Variants in SSX1 observed in about 807,000 individuals in gnomAD.
SSX1 encodes protein SSX1.
In SSX1, 58 loss-of-function variants were observed where a neutral mutation model predicts 14.6. The observed-to-expected ratio is 3.96, with a 90% CI of 3.21 to 4.93. SSX1 has a LOEUF of 4.93. SSX1 is among the 30% of genes most tolerant of loss of function. SSX1 has a pLI of 0.00. For missense variants in SSX1, 272 were observed against 143.1 expected (o/e 1.90, Z -4.60); for synonymous variants, 46 against 52.1 (o/e 0.88, Z 0.50).
chrX:48,261,524 G>T (rs1230372592), intron 4 of SSX1, among the ~76,000 whole-genome samples: 1 of 112,411 alleles, frequency 8.9e-6, no homozygotes, highest in Non-Finnish European at 1.9e-5. Flanking sequence ...AATGGAATAA[G>T]ATGAGACTGT....
At chrX:48,265,117 A>G (rs2059618613) in intron 6 of SSX1, among the ~76,000 whole-genome samples, 2 of 111,948 alleles carry the variant, frequency 1.8e-5, no homozygotes, top group South Asian at 7.5e-4. Context: ...GATCACTCAA[A>G]CTTTCTCTAT....
Position 48,258,531 on chromosome X carries a change from T to C in SSX1, c.185-5T>C, listed in dbSNP as rs782345088. On this transcript the variant is annotated splice_region_variant and splice_polypyrimidine_tract_variant and intron_variant, in intron 3 of 7. Coordinates refer to ENST00000376919, the MANE Select transcript of SSX1 (RefSeq NM_005635.4). ...TTAAGGAATAAACATTTTGCTTCTT[T>C]CTAGGTTTCAAAGTCACCCTCCCAC... 5.9e-5 allele frequency: 71 copies of C among 1,198,031 alleles called. No individual in the cohort carries two copies. The highest frequency in any genetic ancestry group is 7.9e-5 in the Non-Finnish European group (70 of 885,944).
chrX:48,262,919 A>T (rs2059609842), intron 5 of SSX1, among the ~76,000 whole-genome samples: 1 of 110,311 alleles, frequency 9.1e-6, no homozygotes, highest in Non-Finnish European at 1.9e-5. Context: ...GCAGATTACG[A>T]GGTCAAGAGA....
At chrX:48,259,522 A>G (rs782510496) in intron 4 of SSX1, among the ~76,000 whole-genome samples, 21 of 110,770 alleles carry the variant, frequency 1.9e-4, no homozygotes, top group Middle Eastern at 4.7e-3. Context: ...ACATGTGTAT[A>G]CATGTGCCAT....
Position 48,257,861 on chromosome X carries a change from G to A in SSX1, c.184+1G>A, listed in dbSNP as rs782637859. 6.2e-6 allele frequency: 7 copies of A among 1,122,926 alleles called. No individual in the cohort carries two copies. The Admixed American group carries it at 7.1e-5, about 11-fold the overall frequency. The allele number at this position is 1,122,926 out of a possible 1,213,427, so 92.5% of individuals were successfully genotyped here. A position where few individuals can be genotyped will look rare whatever the true frequency, so the allele number is the denominator to read the frequency against. ...AACTATAAGGCCATGACTAAACTAG[G>A]TAACAGAAAGTTCTAGGAACAGACA... On this transcript the variant is annotated splice_donor_variant, in intron 3 of 7. Transcript: ENST00000376919. LOFTEE classifies it high-confidence loss of function.
intron 5 of SSX1, among the ~76,000 whole-genome samples, chrX:48,263,101 T>C (rs781798320): frequency 2.8e-5 from 3 of 108,887 alleles, no homozygotes; most frequent in African/African-American, 1.0e-4. Flanking sequence ...ACCACTGCAC[T>C]CTAGCCTGGT....
chrX:48,264,538 T>C (rs1198444936), intron 6 of SSX1, among the ~76,000 whole-genome samples: 6 of 112,636 alleles, frequency 5.3e-5, no homozygotes, highest in Admixed American at 9.4e-5. Flanking sequence ...TTCAGTGAGT[T>C]ACACTCTTCT....
At position 48,267,216 on chromosome X, in the gene SSX1, C is replaced by A; in HGVS notation, c.*367C>A. On this transcript the variant is annotated 3_prime_UTR_variant, in exon 8 of 8. Transcript: ENST00000376919. ...TCTCCCCAGATGTGACTACTGAGGGCAGTTCTGAGTGTTTAATTTCAGACT... is the reference window on the plus strand; with the variant it reads ...TCTCCCCAGATGTGACTACTGAGGGAAGTTCTGAGTGTTTAATTTCAGACT... The A allele has an allele frequency of 3.4e-6, 1 of 292,380 alleles. No individual in the cohort carries two copies. The highest frequency in any genetic ancestry group is 4.8e-5 in the South Asian group (1 of 20,682). 24.1% of individuals were successfully genotyped at this position (292,380 alleles called of 1,213,427 possible).
chrX:48,257,834 G>C lies in SSX1; in HGVS notation c.158G>C (p.Arg53Thr), dbSNP rs2059588590. ...AAAATCAGCTATGTGTATATGAAGA[G>C]AAACTATAAGGCCATGACTAAACTA... is the stretch of plus-strand genomic sequence containing the variant. ...SEKISYVYMK[R>T]NYKAMTKLGF... The change falls in exon 3 of 8, where the codon AGA becomes ACA. Residue 53 changes from arginine to threonine, a missense_variant. Coordinates refer to ENST00000376919, the MANE Select transcript of SSX1 (RefSeq NM_005635.4). 4 of 1,195,321 alleles carry C rather than the reference G, an allele frequency of 3.3e-6. No homozygotes were observed. Among genetic ancestry groups the C allele is most frequent in the South Asian group, 3.6e-5 (2 of 55,643 alleles).
At chrX:48,265,140 G>T (rs1601950199) in intron 6 of SSX1, among the ~76,000 whole-genome samples, 1 of 112,233 alleles carries the variant, frequency 8.9e-6, no homozygotes, top group Non-Finnish European at 1.9e-5. Flanking sequence ...CAGCAGTAAG[G>T]CTGTTTTGCT....
At chrX:48,260,505 T>A (rs1344674149) in intron 4 of SSX1, among the ~76,000 whole-genome samples, 1 of 111,750 alleles carries the variant, frequency 8.9e-6, no homozygotes, top group Non-Finnish European at 1.9e-5. Context: ...GCTTTTGGTG[T>A]TTTAGACATG....
At chrX:48,255,825 T>G (rs1365638478) in intron 1 of SSX1, among the ~76,000 whole-genome samples, 31 of 99,550 alleles carry the variant, frequency 3.1e-4, no homozygotes, top group African/African-American at 1.1e-3. Flanking sequence ...GGCTGGCCTC[T>G]GCCGCCTGGG....
Position 48,263,787 on chromosome X carries a change from GC to G in SSX1, c.339del (p.Lys114ArgfsTer62). On this transcript the variant is annotated frameshift_variant, in exon 6 of 8. Transcript: ENST00000376919. LOFTEE classifies it high-confidence loss of function. Reference sequence around the variant, plus strand: ...GTAACCTTCACATTATAAAGATCATGCCCAAGAAGCCAGCAGAGGACGAAAA... The same window carrying G: ...GTAACCTTCACATTATAAAGATCATGCCAAGAAGCCAGCAGAGGACGAAAA... ...RLHRIIPKIM[P>X]KKPAEDENDS... is the part of the protein sequence containing the mutation. 8.3e-7 allele frequency: 1 copy of G among 1,211,343 alleles called. No homozygotes were observed. Among genetic ancestry groups the G allele is most frequent in the East Asian group, 3.0e-5 (1 of 33,841 alleles).
Position 48,257,822 on chromosome X carries a change from T to A in SSX1, c.146T>A (p.Val49Glu), listed in dbSNP as rs146177319. ...AAATACTCGGAGAAAATCAGCTATG[T>A]GTATATGAAGAGAAACTATAAGGCC... Reference protein sequence around the residue: ...KMKYSEKISYVYMKRNYKAMT... With the variant: ...KMKYSEKISYEYMKRNYKAMT... The change falls in exon 3 of 8, where the codon GTG (valine) becomes GAG (glutamate). Residue 49 changes from valine (V) to glutamate (E), a missense_variant. Coordinates refer to ENST00000376919, the MANE Select transcript of SSX1 (RefSeq NM_005635.4). 5.5e-5 allele frequency: 66 copies of A among 1,202,976 alleles called. No individual in the cohort carries two copies. Among genetic ancestry groups the A allele is most frequent in the Non-Finnish European group, 6.5e-5 (58 of 890,562 alleles).
In SSX1 at chrX:48,263,768, T is replaced by C; in HGVS notation, c.331-14T>C. 1 of 1,210,847 alleles carries C rather than the reference T, an allele frequency of 8.3e-7. No homozygotes were observed. The highest frequency in any genetic ancestry group is 1.1e-6 in the Non-Finnish European group (1 of 894,911). ...TCACTGATACTGTTTATCTGTAACC[T>C]TCACATTATAAAGATCATGCCCAAG... is the stretch of plus-strand genomic sequence containing the variant. On this transcript the variant is annotated splice_polypyrimidine_tract_variant and intron_variant, in intron 5 of 7. Transcript: ENST00000376919.
rs782001842 is a variant in SSX1 at position 48,261,767 on chromosome X, T to C, written c.282T>C (p.Val94=). The change falls in exon 5 of 8, where the codon GTT becomes GTC. Residue 94 remains valine, a splice_region_variant and synonymous_variant. Transcript: ENST00000376919. Reference sequence around the variant, plus strand: ...AAATTCTGATGTGTTCTCTTTCAGTTGAACATCCTCAGATGACTTTCGGCA... The same window carrying C: ...AAATTCTGATGTGTTCTCTTTCAGTCGAACATCCTCAGATGACTTTCGGCA... ...FDNDHNRRIQ[V]EHPQMTFGRL... is the part of the protein sequence containing the mutation. 3.3e-6 allele frequency: 4 copies of C among 1,209,548 alleles called. No individual in the cohort carries two copies. Among genetic ancestry groups the C allele is most frequent in the Non-Finnish European group, 4.5e-6 (4 of 894,660 alleles).
At chrX:48,265,808 A>T (rs782663885) in intron 6 of SSX1, among the ~76,000 whole-genome samples, 2 of 111,901 alleles carry the variant, frequency 1.8e-5, no homozygotes, top group African/African-American at 6.5e-5. Flanking sequence ...TTATTTTAAA[A>T]GACTAAAAAA....
At chrX:48,258,691 C>A in intron 4 of SSX1, 60 bp downstream of exon 4, 1 of 932,237 alleles carries the variant, frequency 1.1e-6, no homozygotes, top group Non-Finnish European at 1.5e-6. Flanking sequence ...TTCAGCTCAG[C>A]TACCTGGGAA....
intron 6 of SSX1, among the ~76,000 whole-genome samples, chrX:48,265,793 A>C (rs782095245): frequency 8.9e-5 from 10 of 111,859 alleles, no homozygotes; most frequent in Admixed American, 1.9e-4. Flanking sequence ...ATCCACAAAA[A>C]TAAATTATTT....
Sources: gnomAD v4.1 joint callset for allele counts (sites outside exome capture counted in the v4.1 genomes callset) on GRCh38, gnomAD v4.1.1 for gene constraint, MANE v1.5 for transcripts, NCBI Gene and HGNC (gene_info 2026-07-23, HGNC 2026-07-21) for gene names.